DISP1: variants seen among roughly 807,000 people sequenced by gnomAD.
The protein encoded by DISP1 is protein dispatched homolog 1.
A neutral mutation model predicts 37.3 loss-of-function variants in DISP1; 30 were observed. The ratio of observed to expected loss-of-function variants is 0.80; its 90% confidence interval spans 0.60 to 1.09. The LOEUF (loss-of-function observed/expected upper bound fraction) is 1.09, where lower values mean the gene tolerates loss of function less well. Ranked by LOEUF, DISP1 falls within the 50% of genes least tolerant of loss-of-function variation. The pLI is 0.00. For synonymous variants in DISP1, 634 were observed against 690.2 expected, an observed-to-expected ratio of 0.92 and a Z score of 1.28; for missense variants, 1,598 against 1,879.5, an observed-to-expected ratio of 0.85 and a Z score of 2.77.
At chr1:222,928,730 C>T (rs1232245548) in intron 2 of DISP1, among the ~76,000 whole-genome samples, 160 bp downstream of exon 2, 2 of 151,866 alleles carry the variant, frequency 1.3e-5, no homozygotes, top group Non-Finnish European at 2.9e-5. Context: ...CTTTGAACGG[C>T]ATTTGGCATT....
At chr1:222,991,349 A>G (rs1373788003) in intron 5 of DISP1, among the ~76,000 whole-genome samples, 171 bp from the exon 6 acceptor site, 5 of 152,238 alleles carry the variant, frequency 3.3e-5, no homozygotes, top group African/African-American at 1.2e-4. Flanking sequence ...GATGATTATC[A>G]TGTCAAGGCA....
intron 1 of DISP1, among the ~76,000 whole-genome samples, chr1:222,850,666 C>G (rs749695200): frequency 1.3e-5 from 2 of 152,146 alleles, no homozygotes; most frequent in Non-Finnish European, 2.9e-5. Context: ...TCATTTAGCT[C>G]CCTCTTATAA....
chr1:222,865,520 A>G (rs1429028612), intron 1 of DISP1, among the ~76,000 whole-genome samples: 3 of 152,218 alleles, frequency 2.0e-5, no homozygotes, highest in Non-Finnish European at 4.4e-5. Flanking sequence ...CTGTTTAAAG[A>G]AAAGCTGAAA....
chr1:222,947,414 ACATTTTAT>A (rs925584094), intron 3 of DISP1, among the ~76,000 whole-genome samples: 1 of 152,096 alleles, frequency 6.6e-6, no homozygotes, highest in African/African-American at 2.4e-5. Context: ...TTTATCAGTT[ACATTTTAT>A]CATTTTATCA....
chr1:222,989,948 G>A (rs996651191), intron 4 of DISP1, among the ~76,000 whole-genome samples: 11 of 151,930 alleles, frequency 7.2e-5, no homozygotes, highest in Non-Finnish European at 1.2e-4. Context: ...GACTACAGGC[G>A]TGTGCCACCA....
intron 3 of DISP1, among the ~76,000 whole-genome samples, chr1:222,947,473 G>A (rs898876527): frequency 6.6e-6 from 1 of 151,920 alleles, no homozygotes; most frequent in Admixed American, 6.6e-5. Flanking sequence ...TGGACACTTC[G>A]ATCTTTCAGG....
At position 222,991,641 on chromosome 1, in the gene DISP1, C is replaced by T; in HGVS notation, c.785C>T (p.Ala262Val). The stretch of plus-strand genomic sequence containing the variant: ...CCCTTTAAATATGCAGATGAACAAG[C>T]CAAAAGGTAATCAATTATTTATTTT... ...NYPFKYADEQ[A>V]KSHRDDRWSD... The change falls in exon 6 of 9, where the codon GCC becomes GTC. Residue 262 changes from alanine (A) to valine (V), a missense_variant. Coordinates refer to ENST00000675850, the MANE Select transcript of DISP1 (RefSeq NM_001377229.1). 1 of 1,612,240 alleles carries T rather than the reference C, an allele frequency of 6.2e-7. No individual in the cohort carries two copies. Among genetic ancestry groups the T allele is most frequent in the Non-Finnish European group, 8.5e-7 (1 of 1,178,694 alleles).
intron 2 of DISP1, among the ~76,000 whole-genome samples, chr1:222,936,764 A>AAAATTATATATCATATATATGATATATAT (rs1553331580): frequency 0.11 from 5,405 of 50,536 alleles, 592 homozygotes; most frequent in South Asian, 0.18. Context: ...ATGATATATA[A>AAAATTATATATCATATATATGATATATAT]AAATTATATA....
chr1:222,943,184 T>C lies in DISP1; in HGVS notation c.361T>C (p.Ser121Pro), dbSNP rs757403085. 1 of 1,610,648 alleles carries C rather than the reference T, an allele frequency of 6.2e-7. No individual in the cohort carries two copies. Among genetic ancestry groups the C allele is most frequent in the Non-Finnish European group, 8.5e-7 (1 of 1,177,124 alleles). ...ALASCCMQPH[S>P]EYSASLCPNH... ...GGCCTCGTGTTGCATGCAGCCACACTCCGAGTATTCTGCATCTCTTTGTCC... is the reference window on the plus strand; with the variant it reads ...GGCCTCGTGTTGCATGCAGCCACACCCCGAGTATTCTGCATCTCTTTGTCC... Residue 121 changes from serine (S) to proline (P), a missense_variant, in exon 3 of 9, where the codon TCC becomes CCC. Transcript: ENST00000675850.
At chr1:222,914,006 T>G (rs1672359735) in intron 1 of DISP1, among the ~76,000 whole-genome samples, 1 of 150,176 alleles carries the variant, frequency 6.7e-6, no homozygotes, top group South Asian at 2.1e-4. Flanking sequence ...TTGGTTGTTT[T>G]TTTTTTTTTT....
rs1365210971 is a variant in DISP1 at position 222,903,716 on chromosome 1, CTA to C, written c.-158-24712_-158-24711del. ...AGATGTAGTGTGACCTTAATCTACA[CTA>C]TGTAAAATTAGATGGTATCATAGAT... On this transcript the variant is annotated intron_variant, in intron 1 of 8. Coordinates refer to ENST00000675850, the MANE Select transcript of DISP1 (RefSeq NM_001377229.1). 2.6e-5 allele frequency among the ~76,000 whole-genome samples: 4 copies of C among 152,212 alleles called. No homozygotes were observed. In the East Asian group the frequency reaches 7.7e-4, roughly 29 times the overall value.
Position 222,991,647 on chromosome 1 carries a change from G to A in DISP1, c.791G>A (p.Ser264Asn). Residue 264 changes from serine (S) to asparagine (N), a missense_variant and splice_region_variant, in exon 6 of 9, where the codon AGC (serine) becomes AAC (asparagine). By Grantham distance (46) the Ser-to-Asn change is conservative. Transcript: ENST00000675850. ...PFKYADEQAKSHRDDRWSDDH... is the reference protein window; with the variant it reads ...PFKYADEQAKNHRDDRWSDDH... ...AAATATGCAGATGAACAAGCCAAAA[G>A]GTAATCAATTATTTATTTTTATATA... 2.5e-6 allele frequency: 4 copies of A among 1,611,852 alleles called. No individual in the cohort carries two copies. Among genetic ancestry groups the A allele is most frequent in the Non-Finnish European group, 3.4e-6 (4 of 1,178,516 alleles).
Position 222,875,975 on chromosome 1 carries a change from GA to G in DISP1, c.-158-52443del, listed in dbSNP as rs5781287. Among the ~76,000 whole-genome samples, 521 of 142,496 alleles carry G rather than the reference GA, an allele frequency of 3.7e-3. 3 individuals carry two copies. The highest frequency in any genetic ancestry group is 0.012 in the African/African-American group (467 of 38,702). The allele number at this position is 142,496 out of a possible 152,430, so 93.5% of individuals were successfully genotyped here. ...ATGTACCTGACTCTAAAATTTTCCT[GA>G]AAAAAAAAAAAGAAATGTACAAACA... On this transcript the variant is annotated intron_variant, in intron 1 of 8. Transcript: ENST00000675850.
chr1:222,847,915 TTA>T (rs1668008716), intron 1 of DISP1, among the ~76,000 whole-genome samples: 2 of 152,200 alleles, frequency 1.3e-5, no homozygotes, highest in Non-Finnish European at 1.5e-5. Flanking sequence ...CTTTTGGCTT[TTA>T]TGTCACAAAT....
intron 3 of DISP1, among the ~76,000 whole-genome samples, chr1:222,956,349 T>C (rs1675594375): frequency 6.6e-6 from 1 of 152,220 alleles, no homozygotes; most frequent in Admixed American, 6.5e-5. Context: ...AGCATATTAC[T>C]GTGACGGATT....
intron 1 of DISP1, among the ~76,000 whole-genome samples, chr1:222,846,442 G>T (rs1333998812): frequency 6.6e-6 from 1 of 152,154 alleles, no homozygotes. Flanking sequence ...GGTGAGCTGA[G>T]ATTGTGCCAT....
chr1:222,884,816 A>T (rs757439324), intron 1 of DISP1, among the ~76,000 whole-genome samples: 1 of 152,086 alleles, frequency 6.6e-6, no homozygotes. Context: ...TTACTATGGT[A>T]TGTGTCTAAT....
intron 1 of DISP1, among the ~76,000 whole-genome samples, chr1:222,890,115 A>G (rs1428154446): frequency 6.6e-6 from 1 of 152,174 alleles, no homozygotes; most frequent in Admixed American, 6.5e-5. Context: ...TTCAACATGT[A>G]TAATTATTTA....
Position 223,003,272 on chromosome 1 carries a change from C to T in DISP1, c.1875C>T (p.Ser625=). ...TAAAFYANYV[S]NITAIRCFGV... is the part of the protein sequence containing the mutation. ...CTGCCTTTTATGCTAACTATGTTAGCAACATTACAGCAATCCGATGCTTTG... is the reference window on the plus strand; with the variant it reads ...CTGCCTTTTATGCTAACTATGTTAGTAACATTACAGCAATCCGATGCTTTG... Residue 625 remains serine, a synonymous_variant, in exon 9 of 9, where the codon AGC becomes AGT. Transcript: ENST00000675850. This position sits in a 1 kb window ranked among gnomAD's most constrained non-coding sequence, Gnocchi z 4.3. The T allele has an allele frequency of 1.9e-6, 3 of 1,614,216 alleles. No individual in the cohort carries two copies. The highest frequency in any genetic ancestry group is 2.5e-6 in the Non-Finnish European group (3 of 1,180,022).
Sources: gnomAD v4.1 joint callset for allele counts (sites outside exome capture counted in the v4.1 genomes callset) on GRCh38, gnomAD v4.1.1 for gene constraint, Gnocchi (gnomAD v3.1) non-coding constraint, MANE v1.5 for transcripts, NCBI Gene and HGNC (gene_info 2026-07-23, HGNC 2026-07-21) for gene names.